IL1RAPL2: variants seen among roughly 807,000 people sequenced by gnomAD.
IL1RAPL2 encodes X-linked interleukin-1 receptor accessory protein-like 2.
A neutral mutation model predicts 44.1 loss-of-function variants in IL1RAPL2; 3 were observed. That is an observed-to-expected ratio of 0.07 (90% CI 0.03 to 0.18). IL1RAPL2 has a LOEUF of 0.18. Ranked by LOEUF, IL1RAPL2 falls within the 10% of genes least tolerant of loss-of-function variation. The pLI is 1.00. For missense variants in IL1RAPL2, 391 were observed against 496.4 expected (o/e 0.79, Z 2.02); for synonymous variants, 181 against 178.8 (o/e 1.01, Z -0.10).
chrX:104,652,827 CCTAT>C (rs1438095299), intron 1 of IL1RAPL2, among the ~76,000 whole-genome samples: 1 of 111,190 alleles, frequency 9.0e-6, no homozygotes, highest in Non-Finnish European at 1.9e-5. Flanking sequence ...ACTCCAAGCC[CCTAT>C]CTGATGAAAA....
At chrX:105,612,350 A>T (rs987669441) in intron 6 of IL1RAPL2, among the ~76,000 whole-genome samples, 2 of 111,087 alleles carry the variant, frequency 1.8e-5, no homozygotes, top group African/African-American at 6.6e-5. Context: ...CAAGTGATCC[A>T]CTGCTTTGGC....
intron 2 of IL1RAPL2, among the ~76,000 whole-genome samples, chrX:105,049,984 T>C (rs2031897092): frequency 8.9e-6 from 1 of 112,097 alleles, no homozygotes; most frequent in Non-Finnish European, 1.9e-5. Flanking sequence ...ATAGTGGTTC[T>C]GATTCATGGC....
intron 5 of IL1RAPL2, among the ~76,000 whole-genome samples, chrX:105,326,363 C>CTTT: frequency 9.2e-6 from 1 of 109,269 alleles, no homozygotes; most frequent in African/African-American, 3.3e-5. Flanking sequence ...GGCCTGTCTT[C>CTTT]TTTTTTTTTA....
intron 2 of IL1RAPL2, among the ~76,000 whole-genome samples, chrX:104,894,540 C>T (rs981101153): frequency 9.0e-6 from 1 of 111,632 alleles, no homozygotes; most frequent in Non-Finnish European, 1.9e-5. Context: ...TTCATTTGAT[C>T]TTCCATCACT....
At chrX:104,740,746 T>C (rs1932089351) in intron 2 of IL1RAPL2, among the ~76,000 whole-genome samples, 1 of 111,641 alleles carries the variant, frequency 9.0e-6, no homozygotes, top group East Asian at 2.8e-4. Context: ...AAATATTCAA[T>C]CATGCTTTAC....
intron 5 of IL1RAPL2, among the ~76,000 whole-genome samples, chrX:105,320,431 A>G (rs2034888389): frequency 8.9e-6 from 1 of 111,953 alleles, no homozygotes; most frequent in Admixed American, 9.4e-5. Context: ...CACATTCAGT[A>G]AGGTGGGGGG....
At chrX:105,464,759 A>T (rs965865694) in intron 5 of IL1RAPL2, among the ~76,000 whole-genome samples, 3 of 111,586 alleles carry the variant, frequency 2.7e-5, no homozygotes, top group African/African-American at 9.8e-5. Context: ...CATGACACTT[A>T]TTCCAGAGTC....
At chrX:105,044,551 G>A (rs1480996247) in intron 2 of IL1RAPL2, among the ~76,000 whole-genome samples, 1 of 111,563 alleles carries the variant, frequency 9.0e-6, no homozygotes, top group Non-Finnish European at 1.9e-5. Context: ...AGAGGAGGGG[G>A]ATGCAAAGGC....
intron 5 of IL1RAPL2, among the ~76,000 whole-genome samples, chrX:105,456,065 G>A (rs1419109532): frequency 1.8e-5 from 2 of 111,654 alleles, no homozygotes; most frequent in African/African-American, 3.3e-5. Context: ...CCTAGGTATT[G>A]TATTCTTTTT....
At chrX:105,203,931 T>C (rs2033738645) in intron 3 of IL1RAPL2, among the ~76,000 whole-genome samples, 1 of 111,731 alleles carries the variant, frequency 9.0e-6, no homozygotes. Context: ...AGCTGAATAA[T>C]TGTGTGAAAT....
At chrX:105,125,304 T>TC (rs776956727) in intron 2 of IL1RAPL2, among the ~76,000 whole-genome samples, 2 of 110,925 alleles carry the variant, frequency 1.8e-5, no homozygotes, top group Non-Finnish European at 3.8e-5. Flanking sequence ...GTTGAACGTA[T>TC]AATAAGGCAT....
At chrX:105,079,663 G>A (rs1400673141) in intron 2 of IL1RAPL2, among the ~76,000 whole-genome samples, 1 of 109,154 alleles carries the variant, frequency 9.2e-6, no homozygotes, top group Non-Finnish European at 1.9e-5. Context: ...ATAAACATAT[G>A]TGTCCATGTG....
chrX:104,663,999 A>G (rs937227928), intron 2 of IL1RAPL2, among the ~76,000 whole-genome samples: 8 of 110,232 alleles, frequency 7.3e-5, no homozygotes, highest in Non-Finnish European at 1.3e-4. Flanking sequence ...TCCCTTGTTT[A>G]AAATACTTAA....
intron 2 of IL1RAPL2, among the ~76,000 whole-genome samples, chrX:104,916,117 T>C (rs1440563711): frequency 1.3e-4 from 14 of 111,951 alleles, no homozygotes; most frequent in African/African-American, 4.2e-4. Flanking sequence ...AAGTCATTGG[T>C]AGCTTGATGG....
At chrX:104,710,344 GTTATA>G (rs1931436278) in intron 2 of IL1RAPL2, among the ~76,000 whole-genome samples, 1 of 111,341 alleles carries the variant, frequency 9.0e-6, no homozygotes, top group African/African-American at 3.2e-5. Context: ...CTGAAAACAT[GTTATA>G]TTAAAGAAGT....
intron 2 of IL1RAPL2, among the ~76,000 whole-genome samples, chrX:105,067,633 A>G (rs1350674131): frequency 8.9e-6 from 1 of 112,178 alleles, no homozygotes; most frequent in Non-Finnish European, 1.9e-5. Flanking sequence ...TTAAGTAAAA[A>G]GACATAAAAA....
At chrX:104,630,292 C>T (rs921513195) in intron 1 of IL1RAPL2, among the ~76,000 whole-genome samples, 1 of 110,424 alleles carries the variant, frequency 9.1e-6, no homozygotes, top group African/African-American at 3.3e-5. Flanking sequence ...AGATTACAGG[C>T]GCCCACCACT....
chrX:104,921,564 C>T lies in IL1RAPL2; in HGVS notation c.82+262569C>T, dbSNP rs974268993. Among the ~76,000 whole-genome samples, 11 of 112,443 alleles carry T rather than the reference C, an allele frequency of 9.8e-5. No individual in the cohort carries two copies. In the East Asian group the frequency reaches 1.1e-3, roughly 12 times the overall value. On this transcript the variant is annotated intron_variant, in intron 2 of 10. Coordinates refer to ENST00000372582, the MANE Select transcript of IL1RAPL2 (RefSeq NM_017416.2). ...CTTGAGGGGCCAGTGAACAAATCCG[C>T]TGGCCTTGTCCCAGTTTCCCAGGAC...
chrX:104,961,231 ACCTGTAGACT>A (rs1165810909), intron 2 of IL1RAPL2, among the ~76,000 whole-genome samples: 3 of 111,561 alleles, frequency 2.7e-5, no homozygotes, highest in Non-Finnish European at 1.9e-5. Flanking sequence ...CCACTTGCTG[ACCTGTAGACT>A]CAGAAGAAAG....
Sources: allele counts gnomAD v4.1 joint callset (sites outside exome capture counted in the v4.1 genomes callset), GRCh38; gene constraint gnomAD v4.1.1; transcripts MANE v1.5; gene names NCBI Gene and HGNC (gene_info 2026-07-23, HGNC 2026-07-21).